Variants in ITCH observed in about 807,000 individuals in gnomAD.
ITCH encodes the protein E3 ubiquitin-protein ligase Itchy homolog.
Under a neutral mutation model 126.8 loss-of-function variants are expected in ITCH, and 28 were observed. The observed-to-expected ratio is 0.22, with a 90% CI of 0.16 to 0.30. ITCH has a LOEUF of 0.30. ITCH is among the 10% of genes least tolerant of loss of function. The pLI is 1.00. For synonymous variants in ITCH, 342 were observed against 340.0 expected, an observed-to-expected ratio of 1.01 and a Z score of -0.06; for missense variants, 631 against 1,032.4, an observed-to-expected ratio of 0.61 and a Z score of 5.33.
rs11469882 is a variant in ITCH at position 34,461,709 on chromosome 20, T to TAAAAA, written c.1296-364_1296-360dup. On this transcript the variant is annotated intron_variant, in intron 13 of 24. Transcript: ENST00000374864. ...CTGGGCGACAGTGAGACTCCATCTA[T>TAAAAA]AAAAAAAAAAAAAAAAAAAAAAAAG... Among the ~76,000 whole-genome samples the TAAAAA allele has an allele frequency of 3.8e-5, 3 of 78,400 alleles. No homozygotes were observed. The East Asian group carries it at 1.2e-3, about 30-fold the overall frequency. The allele number at this position is 78,400 out of a possible 152,430, so 51.4% of individuals were successfully genotyped here.
At chr20:34,449,623 A>G (rs774640906) in intron 12 of ITCH, 143 bp downstream of exon 12, 4 of 639,422 alleles carry the variant, frequency 6.3e-6, no homozygotes, top group Non-Finnish European at 1.1e-5. Context: ...TAATATATAT[A>G]TCAGTTTAAT....
chr20:34,398,467 C>T (rs2038753139), intron 3 of ITCH, among the ~76,000 whole-genome samples: 1 of 151,578 alleles, frequency 6.6e-6, no homozygotes, highest in Non-Finnish European at 1.5e-5. Context: ...GGCGTGATCT[C>T]GGCTCACCGC....
At chr20:34,476,715 T>C (rs1988263180) in intron 16 of ITCH, 3 of 230,284 alleles carry the variant, frequency 1.3e-5, no homozygotes, top group African/African-American at 2.3e-5. Context: ...TAAACAGGTA[T>C]ACTTACTGAT....
intron 2 of ITCH, among the ~76,000 whole-genome samples, chr20:34,386,403 A>G (rs1254867925): frequency 6.6e-6 from 1 of 152,222 alleles, no homozygotes. Context: ...ATGACAGAGT[A>G]GCCCTGTCCA....
intron 23 of ITCH, among the ~76,000 whole-genome samples, chr20:34,493,522 A>G (rs1989657660): frequency 6.6e-6 from 1 of 152,212 alleles, no homozygotes; most frequent in Non-Finnish European, 1.5e-5. Flanking sequence ...GAAATAGAAA[A>G]GAGGGGGTAG....
intron 23 of ITCH, among the ~76,000 whole-genome samples, chr20:34,501,819 G>T (rs1362165166): frequency 7.0e-6 from 1 of 143,426 alleles, no homozygotes; most frequent in East Asian, 2.0e-4. Flanking sequence ...GAAAATAAAA[G>T]AACAGATGAG....
At chr20:34,503,637 T>A (rs1162631192) in intron 23 of ITCH, among the ~76,000 whole-genome samples, 1 of 152,188 alleles carries the variant, frequency 6.6e-6, no homozygotes, top group Non-Finnish European at 1.5e-5. Context: ...TTTTGTGTGT[T>A]CTTGTGTAAG....
intron 3 of ITCH, among the ~76,000 whole-genome samples, chr20:34,398,138 C>G (rs547291601): frequency 2.0e-5 from 3 of 152,162 alleles, no homozygotes; most frequent in African/African-American, 7.2e-5. Context: ...TCATGGCTCA[C>G]TGCAACCTTG....
Position 34,509,535 on chromosome 20 carries a change from C to G in ITCH, c.*1741C>G, listed in dbSNP as rs565327558. On this transcript the variant is annotated 3_prime_UTR_variant, in exon 25 of 25. Coordinates refer to ENST00000374864, the MANE Select transcript of ITCH (RefSeq NM_031483.7). ...AGATACTGCCATCATAAAGCAGAGACTTACATGAGTGAAAGGGTTGCCTCA... is the reference window on the plus strand; with the variant it reads ...AGATACTGCCATCATAAAGCAGAGAGTTACATGAGTGAAAGGGTTGCCTCA... 2.6e-5 allele frequency: 4 copies of G among 152,636 alleles called. No individual in the cohort carries two copies. The highest frequency in any genetic ancestry group is 9.6e-5 in the African/African-American group (4 of 41,458). The allele number at this position is 152,636 out of a possible 1,614,324, so 9.5% of individuals were successfully genotyped here. A position where few individuals can be genotyped will look rare whatever the true frequency, so the allele number is the denominator to read the frequency against.
At position 34,375,568 on chromosome 20, in the gene ITCH, T is replaced by C. The variant is rs6059794; in HGVS notation, c.-22+6098T>C. On this transcript the variant is annotated intron_variant, in intron 2 of 24. Transcript: ENST00000374864. ...GGATAACATAGTGAGACCCCATCTT[T>C]ATTTTATTTCAATAAATAAATAAAA... is the stretch of plus-strand genomic sequence containing the variant. 4.6e-3 allele frequency among the ~76,000 whole-genome samples: 704 copies of C among 151,968 alleles called. 15 individuals are homozygous for C. The highest frequency in any genetic ancestry group is 0.016 in the African/African-American group (644 of 41,488).
At chr20:34,387,325 A>G (rs949355549) in intron 2 of ITCH, among the ~76,000 whole-genome samples, 1 of 151,388 alleles carries the variant, frequency 6.6e-6, no homozygotes, top group African/African-American at 2.4e-5. Context: ...AAAAATTTAT[A>G]AAGTGCTAAG....
intron 12 of ITCH, among the ~76,000 whole-genome samples, chr20:34,456,204 ATATATATATATTTTTTTTTTTT>A (rs1847979080): frequency 3.2e-5 from 1 of 30,932 alleles, no homozygotes; most frequent in African/African-American, 1.6e-4. Flanking sequence ...ATATATATAT[ATATATATATATTTTTTTTTTTT>A]TTTTTTTTTT....
intron 6 of ITCH, 94 bp downstream of exon 6, chr20:34,413,973 C>A: frequency 9.0e-7 from 1 of 1,106,596 alleles, no homozygotes; most frequent in Non-Finnish European, 1.3e-6. Flanking sequence ...TTTTTTTTTT[C>A]AGATTAATAA....
chr20:34,456,511 C>G (rs1986011186), intron 12 of ITCH, among the ~76,000 whole-genome samples: 1 of 147,754 alleles, frequency 6.8e-6, no homozygotes, highest in African/African-American at 2.5e-5. Context: ...TTCTAAAAAT[C>G]AAGTTGTACA....
In ITCH at chr20:34,442,381, T is replaced by G. The variant is rs1983866771; in HGVS notation, c.965+78T>G. 2.8e-6 allele frequency: 3 copies of G among 1,071,550 alleles called. No homozygotes were observed. In the South Asian group the frequency reaches 3.9e-5, roughly 14 times the overall value. The allele number at this position is 1,071,550 out of a possible 1,614,324, so 66.4% of individuals were successfully genotyped here. A position where few individuals can be genotyped will look rare whatever the true frequency, so the allele number is the denominator to read the frequency against. ...ACAACTGTATAATCTTCCCTACATT[T>G]CTGTTTTACTTTTTCTTGTCAGCCC... is the stretch of plus-strand genomic sequence containing the variant. On this transcript the variant is annotated intron_variant, in intron 10 of 24. Transcript: ENST00000374864.
In ITCH at chr20:34,456,196, A is replaced by G. The variant is rs1180602122; in HGVS notation, c.1211-1194A>G. ...TGTGTGTGTGTGTGTATATATATAT[A>G]TATATATATATATATATATTTTTTT... On this transcript the variant is annotated intron_variant, in intron 12 of 24. Coordinates refer to ENST00000374864, the MANE Select transcript of ITCH (RefSeq NM_031483.7). 8.4e-3 allele frequency among the ~76,000 whole-genome samples: 379 copies of G among 45,256 alleles called. 5 individuals are homozygous for G. Among genetic ancestry groups the G allele is most frequent in the African/African-American group, 0.05 (358 of 7,122 alleles). 29.7% of individuals were successfully genotyped at this position (45,256 alleles called of 152,430 possible).
intron 2 of ITCH, among the ~76,000 whole-genome samples, chr20:34,377,866 G>A (rs2037905783): frequency 1.4e-5 from 2 of 147,800 alleles, no homozygotes; most frequent in Non-Finnish European, 3.0e-5. Flanking sequence ...GTGAGACCCT[G>A]TCTCAAAAAA....
At chr20:34,371,624 G>A (rs2037634792) in intron 2 of ITCH, among the ~76,000 whole-genome samples, 1 of 151,920 alleles carries the variant, frequency 6.6e-6, no homozygotes, top group South Asian at 2.1e-4. Flanking sequence ...GGAGATGGTG[G>A]AATGATTTGT....
chr20:34,507,851 T>G lies in ITCH; in HGVS notation c.*57T>G. 6 of 1,270,954 alleles carry G rather than the reference T, an allele frequency of 4.7e-6. No homozygotes were observed. Among genetic ancestry groups the G allele is most frequent in the Non-Finnish European group, 6.9e-6 (6 of 869,212 alleles). The allele number at this position is 1,270,954 out of a possible 1,614,324, so 78.7% of individuals were successfully genotyped here. A position where few individuals can be genotyped will look rare whatever the true frequency, so the allele number is the denominator to read the frequency against. On this transcript the variant is annotated 3_prime_UTR_variant, in exon 25 of 25. Coordinates refer to ENST00000374864, the MANE Select transcript of ITCH (RefSeq NM_031483.7). ...AACTTATTTGCAATGTTTGTCCTTCTCTGCCTGTTGCACATCTTGTAAAAT... is the reference window on the plus strand; with the variant it reads ...AACTTATTTGCAATGTTTGTCCTTCGCTGCCTGTTGCACATCTTGTAAAAT...
Sources: allele counts gnomAD v4.1 joint callset (sites outside exome capture counted in the v4.1 genomes callset), GRCh38; gene constraint gnomAD v4.1.1; transcripts MANE v1.5; gene names NCBI Gene and HGNC (gene_info 2026-07-23, HGNC 2026-07-21).